Variants in GGA1 observed in about 807,000 individuals in gnomAD.
GGA1 encodes the protein golgi associated, gamma adaptin ear containing, ARF binding protein 1.
In GGA1, 18 loss-of-function variants were observed where a neutral mutation model predicts 76.9. That is an observed-to-expected ratio of 0.23 (90% CI 0.16 to 0.35). GGA1 has a LOEUF of 0.35. Ranked by LOEUF, GGA1 falls within the 10% of genes least tolerant of loss-of-function variation. The pLI is 1.00. For synonymous variants in GGA1, 342 were observed against 354.7 expected, an observed-to-expected ratio of 0.96 and a Z score of 0.40; for missense variants, 755 against 859.0, an observed-to-expected ratio of 0.88 and a Z score of 1.51.
chr22:37,622,233 C>T (rs1258060132), intron 7 of GGA1, among the ~76,000 whole-genome samples: 1 of 148,558 alleles, frequency 6.7e-6, no homozygotes, highest in Non-Finnish European at 1.5e-5. Context: ...CGTGTGCCAC[C>T]ACACCGGTAT....
At chr22:37,615,985 C>T (rs1447680528) in intron 2 of GGA1, among the ~76,000 whole-genome samples, 4 of 151,868 alleles carry the variant, frequency 2.6e-5, no homozygotes, top group Admixed American at 6.6e-5. Context: ...GGACTACAGG[C>T]GCCTGCCACC....
rs1930346386 is a variant in GGA1, at chr22:37,623,881, G to A, written c.832+248G>A. On this transcript the variant is annotated intron_variant, in intron 9 of 16. Coordinates refer to ENST00000343632, the MANE Select transcript of GGA1 (RefSeq NM_013365.5). This position sits in a 1 kb window ranked among gnomAD's most constrained non-coding sequence, Gnocchi z 4.6. ...TTTACTACCCGCAGCTGCACAGGAG[G>A]CAGACCCATCCCCTTTTCACAACTG... 4.1e-6 allele frequency: 2 copies of A among 491,206 alleles called. No homozygotes were observed. Among genetic ancestry groups the A allele is most frequent in the Non-Finnish European group, 7.5e-6 (2 of 268,096 alleles). The allele number at this position is 491,206 out of a possible 1,614,324, so 30.4% of individuals were successfully genotyped here.
At position 37,625,925 on chromosome 22, in the gene GGA1, C is replaced by T. The variant is rs751689204; in HGVS notation, c.1069C>T (p.Leu357Phe). 2 of 1,598,468 alleles carry T rather than the reference C, an allele frequency of 1.3e-6. No individual in the cohort carries two copies. Among genetic ancestry groups the T allele is most frequent in the Non-Finnish European group, 8.5e-7 (1 of 1,172,900 alleles). Residue 357 changes from leucine (L) to phenylalanine (F), a missense_variant, in exon 11 of 17, where the codon CTT becomes TTT. Transcript: ENST00000343632. This position sits in a 1 kb window ranked among gnomAD's most constrained non-coding sequence, Gnocchi z 4.1. Reference protein sequence around the residue: ...PEQPSASVSLLDDELMSLGLS... With the variant: ...PEQPSASVSLFDDELMSLGLS... Reference sequence around the variant, plus strand: ...GCAGCCCAGTGCCTCAGTTTCCCTGCTTGACGACGAGCTCATGTCTCTGGG... The same window carrying T: ...GCAGCCCAGTGCCTCAGTTTCCCTGTTTGACGACGAGCTCATGTCTCTGGG...
rs1932051931 is a variant in GGA1, at chr22:37,632,759, C to G, written c.*48C>G. ...AGGGGCAGAGGGACCGGTCACTGTC[C>G]AGCCTGGAGGGAGGCATTGGTGGCC... On this transcript the variant is annotated 3_prime_UTR_variant, in exon 17 of 17. Transcript: ENST00000343632. The surrounding 1 kb of genome is among the most constrained non-coding windows in gnomAD (Gnocchi z 5.1). The G allele has an allele frequency of 8.8e-7, 1 of 1,142,520 alleles. No individual in the cohort carries two copies. Among genetic ancestry groups the G allele is most frequent in the African/African-American group, 1.5e-5 (1 of 65,100 alleles). The allele number at this position is 1,142,520 out of a possible 1,614,324, so 70.8% of individuals were successfully genotyped here.
chr22:37,614,171 C>T lies in GGA1; in HGVS notation c.44-19C>T. The T allele has an allele frequency of 1.3e-6, 2 of 1,579,384 alleles. No homozygotes were observed. Among genetic ancestry groups the T allele is most frequent in the Non-Finnish European group, 1.7e-6 (2 of 1,148,822 alleles). On this transcript the variant is annotated intron_variant, in intron 1 of 16. Transcript: ENST00000343632. ...AATCCCACTGCCGGGCCACAATGAC[C>T]CCAGCTCTCCTCTTCCAGATAGAGC...
At chr22:37,617,033 A>G (rs756284747) in intron 3 of GGA1, 36 bp downstream of exon 3, 6 of 1,573,200 alleles carry the variant, frequency 3.8e-6, no homozygotes, top group Non-Finnish European at 4.3e-6. Flanking sequence ...GTCCCCCGCC[A>G]TGTGACGACA....
intron 1 of GGA1, chr22:37,613,082 CAA>C (rs1928040089): frequency 3.0e-6 from 3 of 985,194 alleles, no homozygotes; most frequent in South Asian, 4.7e-5. Flanking sequence ...CTGGGGGACA[CAA>C]AAGAGAACTG....
intron 2 of GGA1, 83 bp downstream of exon 2, chr22:37,614,357 A>C: frequency 1.1e-6 from 1 of 941,936 alleles, no homozygotes; most frequent in Non-Finnish European, 1.7e-6. Flanking sequence ...GTGGGTGGAG[A>C]CCCGGTTTTC....
At position 37,630,081 on chromosome 22, in the gene GGA1, G is replaced by A. The variant is rs780828105; in HGVS notation, c.1242G>A (p.Leu414=). 1 of 1,610,548 alleles carries A rather than the reference G, an allele frequency of 6.2e-7. No homozygotes were observed. Among genetic ancestry groups the A allele is most frequent in the South Asian group, 1.1e-5 (1 of 90,988 alleles). The part of the protein sequence containing the change: ...MESRPPAQTS[L]PASSGLDDLD... ...GCCGACCCCCAGCGCAGACATCCCT[G>A]CCAGCAAGCAGCGGTCTGGACGACC... The change falls in exon 13 of 17, where the codon CTG becomes CTA. Residue 414 remains leucine (L), a synonymous_variant. Coordinates refer to ENST00000343632, the MANE Select transcript of GGA1 (RefSeq NM_013365.5).
chr22:37,631,167 G>A (rs1931744099), intron 14 of GGA1, 68 bp downstream of exon 14: 4 of 1,297,114 alleles, frequency 3.1e-6, no homozygotes, highest in Admixed American at 2.7e-5. Flanking sequence ...AGCTCTGTCT[G>A]GGGAAGCTAG....
intron 1 of GGA1, among the ~76,000 whole-genome samples, chr22:37,612,028 C>T (rs1927717525): frequency 6.6e-6 from 1 of 151,976 alleles, no homozygotes. Flanking sequence ...GTGGTGGACG[C>T]CTGTGATCCC....
At chr22:37,620,019 G>T (rs919005382) in intron 4 of GGA1, 6 of 626,054 alleles carry the variant, frequency 9.6e-6, no homozygotes, top group African/African-American at 7.3e-5. Context: ...CCATCTAGCA[G>T]GTGGGGAAAC....
At position 37,625,214 on chromosome 22, in the gene GGA1, AG is replaced by A; in HGVS notation, c.940+141del. On this transcript the variant is annotated intron_variant, in intron 10 of 16. Coordinates refer to ENST00000343632, the MANE Select transcript of GGA1 (RefSeq NM_013365.5). This position sits in a 1 kb window ranked among gnomAD's most constrained non-coding sequence, Gnocchi z 4.1. ...GGCCCCTTAAGATGGGGAAGGCCCC[AG>A]GGAGGGAGCTGGGGGTGAAGTCTGT... 1 of 745,950 alleles carries A rather than the reference AG, an allele frequency of 1.3e-6. No individual in the cohort carries two copies. The highest frequency in any genetic ancestry group is 2.8e-5 in the East Asian group (1 of 36,272). The allele number at this position is 745,950 out of a possible 1,614,324, so 46.2% of individuals were successfully genotyped here.
At chr22:37,627,220 C>T (rs1381497821) in intron 11 of GGA1, 6 of 152,232 alleles carry the variant, frequency 3.9e-5, no homozygotes, top group Admixed American at 2.6e-4. Context: ...AGAAAGGGCT[C>T]TAGGACTTGA....
chr22:37,618,352 C>T, intron 3 of GGA1, 96 bp from the exon 4 acceptor site: 1 of 692,204 alleles, frequency 1.4e-6, no homozygotes, highest in South Asian at 1.6e-5. Flanking sequence ...TCTGAAAGCC[C>T]ACCCATGGGC....
At chr22:37,631,690 C>T (rs1931822997) in intron 14 of GGA1, among the ~76,000 whole-genome samples, 1 of 152,352 alleles carries the variant, frequency 6.6e-6, no homozygotes, top group Admixed American at 6.5e-5. Context: ...CTCACCCTCA[C>T]CAAGTCCCTC....
Position 37,623,352 on chromosome 22 carries a change from C to G in GGA1, c.635C>G (p.Ser212Trp), listed in dbSNP as rs952446933. The change falls in exon 8 of 17, where the codon TCG becomes TGG. Residue 212 changes from serine (S) to tryptophan (W), a missense_variant. By Grantham distance (177) the Ser-to-Trp change is radical. Transcript: ENST00000343632. This position sits in a 1 kb window ranked among gnomAD's most constrained non-coding sequence, Gnocchi z 4.6. ...GACCAGAAGCGGATGGAGAAGATCT[C>G]GAAGAGGGTGAATGCCATCGAGGAG... ...QEDQKRMEKI[S>W]KRVNAIEEVN... The G allele has an allele frequency of 1.2e-6, 2 of 1,613,984 alleles. No individual in the cohort carries two copies. Among genetic ancestry groups the G allele is most frequent in the Admixed American group, 1.7e-5 (1 of 60,030 alleles).
In GGA1 at chr22:37,625,936, G is replaced by A. The variant is rs745840226; in HGVS notation, c.1080G>A (p.Glu360=). ...PSASVSLLDD[E]LMSLGLSDPT... ...CCTCAGTTTCCCTGCTTGACGACGAGCTCATGTCTCTGGGTGAGGAAGGGG... is the reference window on the plus strand; with the variant it reads ...CCTCAGTTTCCCTGCTTGACGACGAACTCATGTCTCTGGGTGAGGAAGGGG... Residue 360 remains glutamate (E), a synonymous_variant, in exon 11 of 17, where the codon GAG becomes GAA. Transcript: ENST00000343632. This position sits in a 1 kb window ranked among gnomAD's most constrained non-coding sequence, Gnocchi z 4.1. The A allele has an allele frequency of 1.3e-6, 2 of 1,596,678 alleles. No homozygotes were observed. The highest frequency in any genetic ancestry group is 1.1e-5 in the South Asian group (1 of 90,222).
At chr22:37,619,960 C>A in intron 4 of GGA1, 1 of 646,814 alleles carries the variant, frequency 1.5e-6, no homozygotes, top group South Asian at 1.8e-5. Flanking sequence ...CCAGAGCCGA[C>A]TATGAGCAGG....
Sources: allele counts gnomAD v4.1 joint callset (sites outside exome capture counted in the v4.1 genomes callset), GRCh38; gene constraint gnomAD v4.1.1; non-coding constraint Gnocchi (gnomAD v3.1); transcripts MANE v1.5; gene names NCBI Gene and HGNC (gene_info 2026-07-23, HGNC 2026-07-21).